Variants in USH1G observed in about 807,000 individuals in gnomAD.
USH1G encodes the protein pre-mRNA splicing regulator USH1G.
In USH1G, 27 loss-of-function variants were observed where a neutral mutation model predicts 31.9. The ratio of observed to expected loss-of-function variants is 0.85; its 90% confidence interval spans 0.62 to 1.17. The LOEUF (loss-of-function observed/expected upper bound fraction) is 1.17. USH1G is among the 50% of genes most tolerant of loss of function. USH1G has a pLI of 0.00. For synonymous variants in USH1G, 266 were observed against 283.2 expected (o/e 0.94, Z 0.61); for missense variants, 674 against 638.9 (o/e 1.05, Z -0.59).
rs1450585986 is a variant in USH1G at position 74,920,003 on chromosome 17, G to A, written c.833C>T (p.Ser278Leu). Residue 278 changes from serine to leucine, a missense_variant, in exon 2 of 3, where the codon TCG becomes TTG. Coordinates refer to ENST00000614341, the MANE Select transcript of USH1G (RefSeq NM_173477.5). The surrounding 1 kb of genome is among the most constrained non-coding windows in gnomAD (Gnocchi z 5.2). ...GRAPLRDMFL[S>L]DEDSVSRATL... ...GGCACGGGAGACGCTGTCCTCGTCC[G>A]AGAGGAACATGTCCCGGAGCGGGGC... 1.9e-6 allele frequency: 3 copies of A among 1,612,160 alleles called. No homozygotes were observed. Among genetic ancestry groups the A allele is most frequent in the African/African-American group, 1.3e-5 (1 of 74,934 alleles).
Position 74,917,807 on chromosome 17 carries a change from T to G in USH1G, c.*266A>C, listed in dbSNP as rs2038886044. The G allele has an allele frequency of 3.7e-6, 2 of 539,222 alleles. No individual in the cohort carries two copies. The highest frequency in any genetic ancestry group is 4.3e-5 in the South Asian group (2 of 46,380). 33.4% of individuals were successfully genotyped at this position (539,222 alleles called of 1,614,324 possible). The stretch of plus-strand genomic sequence containing the variant: ...GGGGCAGGCCTCCCCCAAGTCTACA[T>G]GTCCTTTACGGCTGCTCAGAATGGG... On this transcript the variant is annotated 3_prime_UTR_variant, in exon 3 of 3. Coordinates refer to ENST00000614341, the MANE Select transcript of USH1G (RefSeq NM_173477.5).
Position 74,918,648 on chromosome 17 carries a change from C to A in USH1G, c.1383-572G>T, listed in dbSNP as rs982776648. Reference sequence around the variant, plus strand: ...CCTGGCCAACATGGCAAAACCCCATCTCTACTAAAAATACAGAAATTAGCT... The same window carrying A: ...CCTGGCCAACATGGCAAAACCCCATATCTACTAAAAATACAGAAATTAGCT... On this transcript the variant is annotated intron_variant, in intron 2 of 2. Coordinates refer to ENST00000614341, the MANE Select transcript of USH1G (RefSeq NM_173477.5). The surrounding 1 kb of genome is among the most constrained non-coding windows in gnomAD (Gnocchi z 4.1). 4.6e-5 allele frequency among the ~76,000 whole-genome samples: 7 copies of A among 152,106 alleles called. No homozygotes were observed. Among genetic ancestry groups the A allele is most frequent in the African/African-American group, 1.7e-4 (7 of 41,410 alleles).
rs1330435300 is a variant in USH1G, at chr17:74,920,633, G to A, written c.203C>T (p.Pro68Leu). 1.2e-6 allele frequency: 2 copies of A among 1,613,812 alleles called. No individual in the cohort carries two copies. Among genetic ancestry groups the A allele is most frequent in the African/African-American group, 1.3e-5 (1 of 75,066 alleles). ...GCCATTGGAAGCTGCCAGATGCAGG[G>A]GTGTGTTGCCCCAGATGTCACACTT... Reference protein sequence around the residue: ...PDKCDIWGNTPLHLAASNGHL... With the variant: ...PDKCDIWGNTLLHLAASNGHL... Residue 68 changes from proline to leucine, a missense_variant, in exon 2 of 3, where the codon CCC becomes CTC. Coordinates refer to ENST00000614341, the MANE Select transcript of USH1G (RefSeq NM_173477.5). The surrounding 1 kb of genome is among the most constrained non-coding windows in gnomAD (Gnocchi z 5.2).
At position 74,919,434 on chromosome 17, in the gene USH1G, C is replaced by A. The variant is rs373882524; in HGVS notation, c.1382+20G>T. 1.3e-6 allele frequency: 2 copies of A among 1,593,528 alleles called. No individual in the cohort carries two copies. Among genetic ancestry groups the A allele is most frequent in the Non-Finnish European group, 1.7e-6 (2 of 1,169,592 alleles). On this transcript the variant is annotated intron_variant, in intron 2 of 2. Coordinates refer to ENST00000614341, the MANE Select transcript of USH1G (RefSeq NM_173477.5). This position sits in a 1 kb window ranked among gnomAD's most constrained non-coding sequence, Gnocchi z 4.5. ...TCCAACTCCTGCTCCTCCATCCCCC[C>A]CGCCAGGCTGGACACTCACAGCTCT...
In USH1G at chr17:74,920,615, G is replaced by C; in HGVS notation, c.221C>G (p.Ser74Cys). Residue 74 changes from serine (S) to cysteine (C), a missense_variant, in exon 2 of 3, where the codon TCC becomes TGC. Ser to Cys is a moderately radical substitution (Grantham distance 112). Coordinates refer to ENST00000614341, the MANE Select transcript of USH1G (RefSeq NM_173477.5). This position sits in a 1 kb window ranked among gnomAD's most constrained non-coding sequence, Gnocchi z 5.2. ...WGNTPLHLAA[S>C]NGHLHCLSFL... is the part of the protein sequence containing the mutation. ...GGACAGGCAGTGCAAGTGGCCATTG[G>C]AAGCTGCCAGATGCAGGGGTGTGTT... 1 of 1,613,896 alleles carries C rather than the reference G, an allele frequency of 6.2e-7. No homozygotes were observed. The highest frequency in any genetic ancestry group is 2.2e-5 in the East Asian group (1 of 44,884).
chr17:74,921,690 CA>C lies in USH1G; in HGVS notation c.165-1020del, dbSNP rs778871001. 4.6e-5 allele frequency among the ~76,000 whole-genome samples: 7 copies of C among 152,324 alleles called. No homozygotes were observed. The highest frequency in any genetic ancestry group is 1.0e-4 in the Non-Finnish European group (7 of 68,014). ...TGCCAGCACCCAACCCACAACCCAT[CA>C]AACACCAATCCTGGTCTCTGGAGGA... On this transcript the variant is annotated intron_variant, in intron 1 of 2. Coordinates refer to ENST00000614341, the MANE Select transcript of USH1G (RefSeq NM_173477.5). The surrounding 1 kb of genome is among the most constrained non-coding windows in gnomAD (Gnocchi z 4.6).
In USH1G at chr17:74,919,310, C is replaced by T. The variant is rs943212893; in HGVS notation, c.1382+144G>A. ...GCTGGTGGTAAATAAAATAAGGGTG[C>T]CTTTTATCATCGATGGCCTCATTTC... On this transcript the variant is annotated intron_variant, in intron 2 of 2. Coordinates refer to ENST00000614341, the MANE Select transcript of USH1G (RefSeq NM_173477.5). This position sits in a 1 kb window ranked among gnomAD's most constrained non-coding sequence, Gnocchi z 4.5. 5 of 1,280,506 alleles carry T rather than the reference C, an allele frequency of 3.9e-6. No individual in the cohort carries two copies. In the South Asian group the frequency reaches 4.9e-5, roughly 12 times the overall value. The allele number at this position is 1,280,506 out of a possible 1,614,324, so 79.3% of individuals were successfully genotyped here.
chr17:74,920,159 C>T lies in USH1G; in HGVS notation c.677G>A (p.Gly226Asp), dbSNP rs776540260. Reference protein sequence around the residue: ...MQKKLERRKQGGEGTFKVSED... With the variant: ...MQKKLERRKQDGEGTFKVSED... ...GGAGACCTTGAAGGTGCCTTCGCCG[C>T]CCTGCTTGCGCCGCTCCAGCTTCTT... Residue 226 changes from glycine (G) to aspartate (D), a missense_variant, in exon 2 of 3, where the codon GGC (glycine) becomes GAC (aspartate). Gly to Asp is a moderately conservative substitution (Grantham distance 94). Coordinates refer to ENST00000614341, the MANE Select transcript of USH1G (RefSeq NM_173477.5). The surrounding 1 kb of genome is among the most constrained non-coding windows in gnomAD (Gnocchi z 5.2). The T allele has an allele frequency of 1.4e-5, 22 of 1,601,964 alleles. No individual in the cohort carries two copies. Among genetic ancestry groups the T allele is most frequent in the Non-Finnish European group, 1.7e-5 (20 of 1,179,830 alleles).
At position 74,919,556 on chromosome 17, in the gene USH1G, C is replaced by A; in HGVS notation, c.1280G>T (p.Arg427Leu). ...ALMLCSDLDL[R>L]SISVPLGPRK... is the part of the protein sequence containing the mutation. ...GGGCCCCAGTGGGACGCTGATGCTG[C>A]GGAGGTCGAGGTCAGAGCACAGCAT... Residue 427 changes from arginine (R) to leucine (L), a missense_variant, in exon 2 of 3, where the codon CGC becomes CTC. Physicochemically the swap from Arg to Leu is moderately radical, Grantham distance 102 (BLOSUM62 -2). Transcript: ENST00000614341. This position sits in a 1 kb window ranked among gnomAD's most constrained non-coding sequence, Gnocchi z 4.5. The A allele has an allele frequency of 1.2e-6, 2 of 1,612,672 alleles. No individual in the cohort carries two copies. The highest frequency in any genetic ancestry group is 4.5e-5 in the East Asian group (2 of 44,862).
At chr17:74,922,254 A>T (rs2038951935) in intron 1 of USH1G, among the ~76,000 whole-genome samples, 1 of 123,118 alleles carries the variant, frequency 8.1e-6, no homozygotes, top group Non-Finnish European at 1.7e-5. Context: ...CCCACCCAGG[A>T]CAACTCCAAA....
rs2038915304 is a variant in USH1G, at chr17:74,919,900, CA to C, written c.935del (p.Leu312ArgfsTer11). ...AATTTCTGCGGAACACCATGGTGCCCAGGCCGGGGCGGGTAAACAGGGAGTC... is the reference window on the plus strand; with the variant it reads ...AATTTCTGCGGAACACCATGGTGCCCGGCCGGGGCGGGTAAACAGGGAGTC... Reference protein sequence around the residue: ...GHDSLFTRPGLGTMVFRRNYL... With the variant: ...GHDSLFTRPGXGTMVFRRNYL... On this transcript the variant is annotated frameshift_variant, in exon 2 of 3. Transcript: ENST00000614341. LOFTEE classifies it high-confidence loss of function. The surrounding 1 kb of genome is among the most constrained non-coding windows in gnomAD (Gnocchi z 4.5). The C allele has an allele frequency of 6.2e-7, 1 of 1,613,126 alleles. No individual in the cohort carries two copies. The highest frequency in any genetic ancestry group is 8.5e-7 in the Non-Finnish European group (1 of 1,179,922).
chr17:74,919,360 CA>C lies in USH1G; in HGVS notation c.1382+93del. On this transcript the variant is annotated intron_variant, in intron 2 of 2. Transcript: ENST00000614341. This position sits in a 1 kb window ranked among gnomAD's most constrained non-coding sequence, Gnocchi z 4.5. ...CGATTTTATGAAATACAGTATCCCC[CA>C]CCCCCTACTCCTGAATAGGCAGATC... 4 of 1,451,604 alleles carry C rather than the reference CA, an allele frequency of 2.8e-6. No homozygotes were observed. The highest frequency in any genetic ancestry group is 1.4e-5 in the South Asian group (1 of 71,020). 89.9% of individuals were successfully genotyped at this position (1,451,604 alleles called of 1,614,324 possible).
rs200613072 is a variant in USH1G, at chr17:74,919,754, T to C, written c.1082A>G (p.Asn361Ser). The C allele has an allele frequency of 4.7e-5, 76 of 1,612,798 alleles. No homozygotes were observed. In the South Asian group the frequency reaches 7.4e-4, roughly 16 times the overall value. ...SLDDDSLGSA[N>S]SLQDRSCGEE... is the part of the protein sequence containing the mutation. ...CCCACAGCTGCGGTCCTGCAGGCTG[T>C]TGGCACTGCCCAGGCTGTCATCGTC... Residue 361 changes from asparagine to serine, a missense_variant, in exon 2 of 3, where the codon AAC (asparagine) becomes AGC (serine). Physicochemically the swap from Asn to Ser is conservative, Grantham distance 46 (BLOSUM62 1). Transcript: ENST00000614341. This position sits in a 1 kb window ranked among gnomAD's most constrained non-coding sequence, Gnocchi z 4.5.
At chr17:74,922,821 A>C (rs1345827663) in intron 1 of USH1G, 89 bp downstream of exon 1, 9 of 1,431,848 alleles carry the variant, frequency 6.3e-6, no homozygotes, top group Non-Finnish European at 8.5e-6. Flanking sequence ...GCCTGTCTGC[A>C]GGGGAAGGAG....
Position 74,922,841 on chromosome 17 carries a change from AG to A in USH1G, c.164+68del, listed in dbSNP as rs1404630568. On this transcript the variant is annotated intron_variant, in intron 1 of 2. Coordinates refer to ENST00000614341, the MANE Select transcript of USH1G (RefSeq NM_173477.5). ...TCTGCAGGGGAAGGAGGCAGCTCAGAGGAGTGGTGGACGAGGAAGTTTGGGG... is the reference window on the plus strand; with the variant it reads ...TCTGCAGGGGAAGGAGGCAGCTCAGAGAGTGGTGGACGAGGAAGTTTGGGG... The A allele has an allele frequency of 6.0e-6, 9 of 1,496,234 alleles. No individual in the cohort carries two copies. In the East Asian group the frequency reaches 2.3e-4, roughly 38 times the overall value. 92.7% of individuals were successfully genotyped at this position (1,496,234 alleles called of 1,614,324 possible). A position where few individuals can be genotyped will look rare whatever the true frequency, so the allele number is the denominator to read the frequency against.
In USH1G at chr17:74,918,523, A is replaced by T. The variant is rs998544996; in HGVS notation, c.1383-447T>A. ...GCAAAGTTCAGGAACAGTAGGTAAA[A>T]CATCTCCCTAAGGCCAGGCGCGGTG... On this transcript the variant is annotated intron_variant, in intron 2 of 2. Transcript: ENST00000614341. This position sits in a 1 kb window ranked among gnomAD's most constrained non-coding sequence, Gnocchi z 4.1. Among the ~76,000 whole-genome samples the T allele has an allele frequency of 5.3e-5, 8 of 152,184 alleles. No homozygotes were observed. Among genetic ancestry groups the T allele is most frequent in the African/African-American group, 1.9e-4 (8 of 41,444 alleles).
Position 74,918,772 on chromosome 17 carries a change from T to G in USH1G, c.1382+682A>C, listed in dbSNP as rs2038895093. On this transcript the variant is annotated intron_variant, in intron 2 of 2. Transcript: ENST00000614341. This position sits in a 1 kb window ranked among gnomAD's most constrained non-coding sequence, Gnocchi z 4.1. ...GTGGAGGTTACAGTGATTGTGCCAC[T>G]GCACTCCAGCCTGGATGACAAGAGG... Among the ~76,000 whole-genome samples the G allele has an allele frequency of 6.7e-6, 1 of 148,152 alleles. No individual in the cohort carries two copies. Among genetic ancestry groups the G allele is most frequent in the Admixed American group, 6.8e-5 (1 of 14,662 alleles).
Position 74,919,445 on chromosome 17 carries a change from G to C in USH1G, c.1382+9C>G, listed in dbSNP as rs2144751626. 6.3e-7 allele frequency: 1 copy of C among 1,598,982 alleles called. No homozygotes were observed. The highest frequency in any genetic ancestry group is 8.5e-7 in the Non-Finnish European group (1 of 1,172,600). ...CTCCTCCATCCCCCCCGCCAGGCTG[G>C]ACACTCACAGCTCTGTGTCCTCCAG... On this transcript the variant is annotated intron_variant, in intron 2 of 2. Transcript: ENST00000614341. This position sits in a 1 kb window ranked among gnomAD's most constrained non-coding sequence, Gnocchi z 4.5.
intron 1 of USH1G, among the ~76,000 whole-genome samples, chr17:74,922,019 C>T (rs918107474): frequency 3.9e-5 from 6 of 152,288 alleles, no homozygotes; most frequent in Middle Eastern, 3.4e-3. Context: ...CTCCCATGAC[C>T]TGAGACTTCA....
Sources: allele counts gnomAD v4.1 joint callset (sites outside exome capture counted in the v4.1 genomes callset), GRCh38; gene constraint gnomAD v4.1.1; non-coding constraint Gnocchi (gnomAD v3.1); transcripts MANE v1.5; gene names NCBI Gene and HGNC (gene_info 2026-07-23, HGNC 2026-07-21).